The following SDR42E1 variants were observed in gnomAD, a reference collection of about 807,000 sequenced individuals.
The protein encoded by SDR42E1 is short chain dehydrogenase/reductase family 42E, member 1, also known as short-chain dehydrogenase/reductase family 42E member 1.
In SDR42E1, 5 loss-of-function variants were observed where a neutral mutation model predicts 2.6. The observed-to-expected ratio is 1.94, with a 90% confidence interval of 1.01 to 4.08. The LOEUF is 4.08. SDR42E1 is among the 30% of genes most tolerant of loss of function. SDR42E1 has a pLI of 0.00. For missense variants in SDR42E1, 596 were observed against 478.6 expected (o/e 1.25, Z -2.29); for synonymous variants, 231 against 188.3 (o/e 1.23, Z -1.86).
rs1912571868 is a variant in SDR42E1 at position 81,997,584 on chromosome 16, A to G, written c.*1527T>C. On this transcript the variant is annotated 3_prime_UTR_variant, in exon 3 of 3. Transcript: ENST00000328945. ...TGCGTTAACCCCAGGCTAATGCAAAAGCTTCTTTATGACAGAAAAGACTCC... is the reference window on the plus strand; with the variant it reads ...TGCGTTAACCCCAGGCTAATGCAAAGGCTTCTTTATGACAGAAAAGACTCC... The G allele has an allele frequency of 6.6e-6, 1 of 152,242 alleles. No individual in the cohort carries two copies. The highest frequency in any genetic ancestry group is 2.1e-4 in the South Asian group (1 of 4,830). 9.4% of individuals were successfully genotyped at this position (152,242 alleles called of 1,614,324 possible). A position where few individuals can be genotyped will look rare whatever the true frequency, so the allele number is the denominator to read the frequency against.
At chr16:82,003,058 T>C (rs749464521) in intron 1 of SDR42E1, among the ~76,000 whole-genome samples, 4 of 152,166 alleles carry the variant, frequency 2.6e-5, no homozygotes, top group Non-Finnish European at 5.9e-5. Flanking sequence ...AGATCACTTA[T>C]GCAGAGTCAG....
rs564411284 is a variant in SDR42E1, at chr16:81,989,269, G to GA, written c.*9841dup. On this transcript the variant is annotated 3_prime_UTR_variant, in exon 3 of 3. Coordinates refer to ENST00000328945, the MANE Select transcript of SDR42E1 (RefSeq NM_145168.3). ...ATCACCATGCTGTACTATTGAGTGA[G>GA]AAACCGTAGTAGCAGAAGGAACTGT... is the stretch of plus-strand genomic sequence containing the variant. 10 of 152,290 alleles carry GA rather than the reference G, an allele frequency of 6.6e-5. No homozygotes were observed. In the East Asian group the frequency reaches 1.2e-3, roughly 18 times the overall value. 9.4% of individuals were successfully genotyped at this position (152,290 alleles called of 1,614,324 possible).
intron 1 of SDR42E1, among the ~76,000 whole-genome samples, chr16:82,006,353 C>G (rs141456182): frequency 6.6e-6 from 1 of 152,126 alleles, no homozygotes; most frequent in South Asian, 2.1e-4. Context: ...AGAGGGCTTA[C>G]GAAATGGTGC....
At chr16:82,002,557 T>G (rs1043152366) in intron 1 of SDR42E1, among the ~76,000 whole-genome samples, 1 of 152,184 alleles carries the variant, frequency 6.6e-6, no homozygotes, top group Non-Finnish European at 1.5e-5. Context: ...TAGATCCTGT[T>G]TTTCAGCTGA....
chr16:81,993,841 TG>T lies in SDR42E1; in HGVS notation c.*5269del, dbSNP rs1422530016. On this transcript the variant is annotated 3_prime_UTR_variant, in exon 3 of 3. Transcript: ENST00000328945. ...TGAACTACTCTGCTTAAAGGTATGT[TG>T]GTGCCAAATATACATGATTTGAATA... 3 of 152,196 alleles carry T rather than the reference TG, an allele frequency of 2.0e-5. No individual in the cohort carries two copies. Among genetic ancestry groups the T allele is most frequent in the Non-Finnish European group, 2.9e-5 (2 of 68,036 alleles). The allele number at this position is 152,196 out of a possible 1,614,324, so 9.4% of individuals were successfully genotyped here.
In SDR42E1 at chr16:81,999,077, G is replaced by A; in HGVS notation, c.*34C>T. On this transcript the variant is annotated 3_prime_UTR_variant, in exon 3 of 3. Coordinates refer to ENST00000328945, the MANE Select transcript of SDR42E1 (RefSeq NM_145168.3). ...CCCATGTTTCTTGAGAACCATCTCA[G>A]CCAACTGTGATCACCTTATTTCTGG... The A allele has an allele frequency of 6.3e-7, 1 of 1,590,888 alleles. No homozygotes were observed. The highest frequency in any genetic ancestry group is 8.5e-7 in the Non-Finnish European group (1 of 1,170,374).
At chr16:82,005,906 G>T (rs189336211) in intron 1 of SDR42E1, among the ~76,000 whole-genome samples, 98 of 152,246 alleles carry the variant, frequency 6.4e-4, no homozygotes, top group Non-Finnish European at 1.2e-3. Context: ...AGAATACTAA[G>T]GTAAAGCGAG....
intron 1 of SDR42E1, among the ~76,000 whole-genome samples, chr16:82,006,121 G>C (rs1006320671): frequency 6.6e-6 from 1 of 152,128 alleles, no homozygotes; most frequent in Non-Finnish European, 1.5e-5. Context: ...ATAGAAATAT[G>C]GGTGTCATTA....
At chr16:82,009,610 A>T (rs1375686099) in intron 1 of SDR42E1, among the ~76,000 whole-genome samples, 1 of 151,958 alleles carries the variant, frequency 6.6e-6, no homozygotes, top group African/African-American at 2.4e-5. Context: ...CAATACCTGT[A>T]CCCCCATTGT....
At position 81,999,227 on chromosome 16, in the gene SDR42E1, C is replaced by T; in HGVS notation, c.1066G>A (p.Gly356Ser). The T allele has an allele frequency of 6.2e-7, 1 of 1,614,212 alleles. No homozygotes were observed. The highest frequency in any genetic ancestry group is 1.1e-5 in the South Asian group (1 of 91,086). ...GAGTCACGACTTCCAGAACTTCTGC[C>T]ATGACCATGGGCTTTAAACCATTCC... is the stretch of plus-strand genomic sequence containing the variant. ...AVEWFKAHGH[G>S]RSSGSRDSEC... The change falls in exon 3 of 3, where the codon GGC becomes AGC. Residue 356 changes from glycine (G) to serine (S), a missense_variant. Gly to Ser is a moderately conservative substitution (Grantham distance 56). Transcript: ENST00000328945.
intron 1 of SDR42E1, among the ~76,000 whole-genome samples, chr16:82,004,583 C>T (rs1367571866): frequency 6.6e-6 from 1 of 152,240 alleles, no homozygotes; most frequent in Admixed American, 6.5e-5. Context: ...TCACTGCAAC[C>T]TTGATTTCCT....
Position 81,999,931 on chromosome 16 carries a change from G to A in SDR42E1, c.362C>T (p.Thr121Ile). 6.2e-7 allele frequency: 1 copy of A among 1,614,204 alleles called. No homozygotes were observed. Residue 121 changes from threonine to isoleucine, a missense_variant, in exon 3 of 3, where the codon ACC becomes ATC. Physicochemically the swap from Thr to Ile is moderately conservative, Grantham distance 89 (BLOSUM62 -1). Transcript: ENST00000328945. ...TCCAAAGATGACATTGAAAGTGCTG[G>A]TGTAAACTAACCTGGGCACCCTTCT... ...QRRRVPRLVY[T>I]STFNVIFGGQ...
In SDR42E1 at chr16:81,992,094, T is replaced by C. The variant is rs1912440874; in HGVS notation, c.*7017A>G. On this transcript the variant is annotated 3_prime_UTR_variant, in exon 3 of 3. Transcript: ENST00000328945. ...TCGCTTGAACCCAGGAGGTGGAGGT[T>C]GCAGTGAGCTGAGATCACGCCATTG... The C allele has an allele frequency of 6.6e-6, 1 of 151,958 alleles. No individual in the cohort carries two copies. The highest frequency in any genetic ancestry group is 2.1e-4 in the South Asian group (1 of 4,812). The allele number at this position is 151,958 out of a possible 1,614,324, so 9.4% of individuals were successfully genotyped here.
At chr16:82,000,971 AT>A in intron 1 of SDR42E1, 87 bp from the exon 2 acceptor site, 1 of 820,006 alleles carries the variant, frequency 1.2e-6, no homozygotes. Flanking sequence ...CAAAAAGTCA[AT>A]ACGCTGTAGT....
chr16:82,000,160 G>A lies in SDR42E1; in HGVS notation c.133C>T (p.Gln45Ter). 6.2e-7 allele frequency: 1 copy of A among 1,613,594 alleles called. No individual in the cohort carries two copies. Among genetic ancestry groups the A allele is most frequent in the Non-Finnish European group, 8.5e-7 (1 of 1,179,684 alleles). ...VILFDISSPA[Q>*]TIPEGIKFIQ... is the part of the protein sequence containing the mutation. ...AACTTGATTCCTTCTGGAATGGTTT[G>A]AGCAGGGCTGCTGATGTCAAACAGA... Residue 45 changes from glutamine to a stop codon, truncating the protein, a stop_gained, in exon 3 of 3, where the codon CAA becomes TAA. Coordinates refer to ENST00000328945, the MANE Select transcript of SDR42E1 (RefSeq NM_145168.3). LOFTEE classifies it low-confidence loss of function (END_TRUNC).
rs1188567430 is a variant in SDR42E1, at chr16:82,000,467, T to C, written c.69-243A>G. Reference sequence around the variant, plus strand: ...TATCTTCAAAGAATGGTGGCATTTTTCCCCCTTGGTTCTAGGGCCCACTAT... The same window carrying C: ...TATCTTCAAAGAATGGTGGCATTTTCCCCCCTTGGTTCTAGGGCCCACTAT... On this transcript the variant is annotated intron_variant, in intron 2 of 2. Coordinates refer to ENST00000328945, the MANE Select transcript of SDR42E1 (RefSeq NM_145168.3). 10 of 658,446 alleles carry C rather than the reference T, an allele frequency of 1.5e-5. No homozygotes were observed. The East Asian group carries it at 1.7e-4, about 11-fold the overall frequency. The allele number at this position is 658,446 out of a possible 1,614,324, so 40.8% of individuals were successfully genotyped here. A position where few individuals can be genotyped will look rare whatever the true frequency, so the allele number is the denominator to read the frequency against.
chr16:82,007,294 C>T (rs995161543), intron 1 of SDR42E1, among the ~76,000 whole-genome samples: 1 of 152,164 alleles, frequency 6.6e-6, no homozygotes, highest in South Asian at 2.1e-4. Context: ...CAGTTTGCCA[C>T]GTCTATAAAT....
At position 81,994,539 on chromosome 16, in the gene SDR42E1, A is replaced by G. The variant is rs982253975; in HGVS notation, c.*4572T>C. 5 of 152,228 alleles carry G rather than the reference A, an allele frequency of 3.3e-5. No homozygotes were observed. The highest frequency in any genetic ancestry group is 7.2e-5 in the African/African-American group (3 of 41,450). 9.4% of individuals were successfully genotyped at this position (152,228 alleles called of 1,614,324 possible). On this transcript the variant is annotated 3_prime_UTR_variant, in exon 3 of 3. Coordinates refer to ENST00000328945, the MANE Select transcript of SDR42E1 (RefSeq NM_145168.3). ...GGCTGGGAGGGACTTTTTGTCACCA[A>G]AAAGGAGCATGGGGTATCATTCTCT...
At chr16:82,008,129 A>C (rs748223573) in intron 1 of SDR42E1, among the ~76,000 whole-genome samples, 16 of 152,340 alleles carry the variant, frequency 1.1e-4, no homozygotes, top group Non-Finnish European at 2.1e-4. Context: ...CTTGCCAGCC[A>C]CCATGTAAGA....
Sources: gnomAD v4.1 joint callset for allele counts (sites outside exome capture counted in the v4.1 genomes callset) on GRCh38, gnomAD v4.1.1 for gene constraint, MANE v1.5 for transcripts, NCBI Gene and HGNC (gene_info 2026-07-23, HGNC 2026-07-21) for gene names.